The following EPHA5 variants were observed in gnomAD, a reference collection of about 807,000 sequenced individuals.
EPHA5 encodes the protein EPH receptor A5.
A neutral mutation model predicts 105.0 loss-of-function variants in EPHA5; 60 were observed. The ratio of observed to expected loss-of-function variants is 0.57; its 90% CI spans 0.46 to 0.71. The LOEUF is 0.71. Ranked by LOEUF, EPHA5 falls within the 30% of genes least tolerant of loss-of-function variation. The probability of loss-of-function intolerance (pLI) is 0.00; values close to 1 mark genes in which losing one functional copy is unlikely to be tolerated. For synonymous variants in EPHA5, 513 were observed against 449.1 expected, an observed-to-expected ratio of 1.14 and a Z score of -1.80; for missense variants, 1,218 against 1,274.7, an observed-to-expected ratio of 0.96 and a Z score of 0.68.
chr4:65,563,792 T>C (rs1739261633), intron 3 of EPHA5, among the ~76,000 whole-genome samples: 1 of 152,036 alleles, frequency 6.6e-6, no homozygotes, highest in African/African-American at 2.4e-5. Flanking sequence ...ATTTCTGTCC[T>C]ATTGAAAAGT....
chr4:65,432,726 C>A (rs1247239302), intron 5 of EPHA5, among the ~76,000 whole-genome samples: 1 of 151,960 alleles, frequency 6.6e-6, no homozygotes, highest in African/African-American at 2.4e-5. Flanking sequence ...CAGTGCTACA[C>A]CCAGCTAGTT....
chr4:65,399,015 T>C (rs1421142214), intron 8 of EPHA5, among the ~76,000 whole-genome samples: 2 of 152,162 alleles, frequency 1.3e-5, no homozygotes, highest in African/African-American at 2.4e-5. Flanking sequence ...GCCTCTCAAC[T>C]ACACTCACCA....
chr4:65,425,811 A>G (rs1481327338), intron 5 of EPHA5, among the ~76,000 whole-genome samples: 1 of 151,878 alleles, frequency 6.6e-6, no homozygotes. Context: ...ATTTCTGCTT[A>G]TATTTGGTAT....
intron 5 of EPHA5, among the ~76,000 whole-genome samples, chr4:65,471,612 A>C (rs1729290720): frequency 6.6e-6 from 1 of 152,168 alleles, no homozygotes; most frequent in Admixed American, 6.5e-5. Flanking sequence ...GAAACTTAAA[A>C]TCATAGTGGA....
At chr4:65,426,720 G>A (rs1450213371) in intron 5 of EPHA5, among the ~76,000 whole-genome samples, 2 of 152,038 alleles carry the variant, frequency 1.3e-5, no homozygotes, top group Non-Finnish European at 2.9e-5. Context: ...TGCATGGATC[G>A]TTCTAGTCTC....
At chr4:65,412,897 T>A (rs1723046128) in intron 7 of EPHA5, among the ~76,000 whole-genome samples, 2 of 152,164 alleles carry the variant, frequency 1.3e-5, no homozygotes, top group South Asian at 2.1e-4. Context: ...CAGTTGTTTT[T>A]TTAAATGGGA....
rs543429006 is a variant in EPHA5 at position 65,460,971 on chromosome 4, T to C, written c.1402+29406A>G. ...AATCATCAAATTGCTATTAGTGTCA[T>C]GGATTGTATGTGTGATAAAATAACC... On this transcript the variant is annotated intron_variant, in intron 5 of 16. Transcript: ENST00000613740. Among the ~76,000 whole-genome samples the C allele has an allele frequency of 2.4e-4, 36 of 152,014 alleles. 1 individual carries two copies. Among genetic ancestry groups the C allele is most frequent in the African/African-American group, 8.4e-4 (35 of 41,564 alleles).
intron 5 of EPHA5, among the ~76,000 whole-genome samples, chr4:65,465,536 G>GA (rs1728615389): frequency 1.3e-4 from 9 of 69,146 alleles, no homozygotes; most frequent in African/African-American, 5.8e-4. Context: ...AGAAAAGAAA[G>GA]GAAAGGAAGG....
chr4:65,348,788 T>A (rs1477883405), intron 13 of EPHA5, among the ~76,000 whole-genome samples: 1 of 44,080 alleles, frequency 2.3e-5, no homozygotes, highest in East Asian at 7.7e-4. Flanking sequence ...CATGTGTGTG[T>A]GTGTGTATAT....
At chr4:65,613,175 G>A (rs571509999) in intron 2 of EPHA5, among the ~76,000 whole-genome samples, 31 of 151,918 alleles carry the variant, frequency 2.0e-4, no homozygotes, top group Non-Finnish European at 3.5e-4. Flanking sequence ...GTCAAAGATC[G>A]GTTGGCTGTA....
intron 11 of EPHA5, among the ~76,000 whole-genome samples, chr4:65,353,503 TACAC>T (rs66462845): frequency 0.42 from 61,315 of 146,128 alleles, 13,324 homozygotes; most frequent in Non-Finnish European, 0.5. Context: ...ATTTAAGATT[TACAC>T]ACACACACAC....
chr4:65,489,009 C>T (rs1277878169), intron 5 of EPHA5, among the ~76,000 whole-genome samples: 1 of 151,818 alleles, frequency 6.6e-6, no homozygotes, highest in African/African-American at 2.4e-5. Context: ...CCTCAGCCTC[C>T]CGAGTAGCTG....
intron 5 of EPHA5, among the ~76,000 whole-genome samples, chr4:65,434,021 C>A (rs1157568306): frequency 6.6e-6 from 1 of 152,036 alleles, no homozygotes; most frequent in Non-Finnish European, 1.5e-5. Context: ...TGCCACTGCA[C>A]CCCAGCCTGG....
chr4:65,588,167 A>C (rs1742299100), intron 3 of EPHA5, among the ~76,000 whole-genome samples: 1 of 152,132 alleles, frequency 6.6e-6, no homozygotes, highest in Admixed American at 6.6e-5. Flanking sequence ...TAAAAGAGTG[A>C]ATATGAATAA....
Position 65,373,181 on chromosome 4 carries a change from T to A in EPHA5, c.1794-5757A>T, listed in dbSNP as rs1368113293. The stretch of plus-strand genomic sequence containing the variant: ...GGCCCAGTTAATATCTCCTGTAGTC[T>A]GAAGCTTCATAGTTATTTTTAAAAA... On this transcript the variant is annotated intron_variant, in intron 8 of 16. Coordinates refer to ENST00000613740, the MANE Select transcript of EPHA5 (RefSeq NM_001281766.3). 3.9e-5 allele frequency among the ~76,000 whole-genome samples: 6 copies of A among 151,918 alleles called. No individual in the cohort carries two copies. In the Admixed American group the frequency reaches 4.0e-4, roughly 10 times the overall value.
At chr4:65,365,781 G>T in intron 10 of EPHA5, 151 bp downstream of exon 10, 1 of 663,716 alleles carries the variant, frequency 1.5e-6, no homozygotes, top group Non-Finnish European at 2.3e-6. Context: ...TACACTGAAG[G>T]TTGTATTAAA....
intron 3 of EPHA5, among the ~76,000 whole-genome samples, chr4:65,510,839 A>G (rs1173670384): frequency 6.6e-6 from 1 of 152,218 alleles, no homozygotes; most frequent in Admixed American, 6.5e-5. Context: ...ATGATGCTCA[A>G]GTATAGGTAA....
At chr4:65,367,003 T>C (rs547519180) in intron 9 of EPHA5, among the ~76,000 whole-genome samples, 1 of 151,884 alleles carries the variant, frequency 6.6e-6, no homozygotes, top group Non-Finnish European at 1.5e-5. Context: ...TTATTTAACC[T>C]GGTGATGCTA....
intron 5 of EPHA5, among the ~76,000 whole-genome samples, chr4:65,473,995 G>T (rs1008444402): frequency 1.3e-5 from 2 of 150,816 alleles, no homozygotes; most frequent in African/African-American, 4.9e-5. Context: ...ACAGGAAGGG[G>T]GACATCACAC....
Sources: gnomAD v4.1 joint callset for allele counts (sites outside exome capture counted in the v4.1 genomes callset) on GRCh38, gnomAD v4.1.1 for gene constraint, MANE v1.5 for transcripts, NCBI Gene and HGNC (gene_info 2026-07-23, HGNC 2026-07-21) for gene names.